The following CSGALNACT1 variants were observed in gnomAD, a reference collection of about 807,000 sequenced individuals.
CSGALNACT1 encodes chondroitin sulfate N-acetylgalactosaminyltransferase 1.
Under a neutral mutation model 51.0 loss-of-function variants are expected in CSGALNACT1, and 52 were observed. The ratio of observed to expected loss-of-function variants is 1.02; its 90% CI spans 0.82 to 1.29. The LOEUF (loss-of-function observed/expected upper bound fraction) is 1.29, where lower values mean the gene tolerates loss of function less well. Among genes scored for constraint, CSGALNACT1 ranks in the 50% most tolerant of loss-of-function variants. CSGALNACT1 has a pLI of 0.00. For missense variants in CSGALNACT1, 935 were observed against 679.2 expected (o/e 1.38, Z -4.19); for synonymous variants, 341 against 254.4 (o/e 1.34, Z -3.24).
chr8:19,444,694 T>G (rs2061842583), intron 5 of CSGALNACT1, among the ~76,000 whole-genome samples: 5 of 152,198 alleles, frequency 3.3e-5, no homozygotes, highest in Admixed American at 3.3e-4. Context: ...ACCGCCTTCC[T>G]GGGGTTGCTG....
intron 3 of CSGALNACT1, among the ~76,000 whole-genome samples, chr8:19,515,154 T>G (rs1266080831): frequency 1.3e-5 from 2 of 151,914 alleles, no homozygotes; most frequent in African/African-American, 2.4e-5. Flanking sequence ...TGTCTCTATC[T>G]CAGGTCCCTA....
chr8:19,445,958 T>G (rs2062042114), intron 5 of CSGALNACT1, among the ~76,000 whole-genome samples: 2 of 152,250 alleles, frequency 1.3e-5, no homozygotes, highest in Admixed American at 1.3e-4. Flanking sequence ...GAGGATCACT[T>G]GAGGTCAGGA....
At chr8:19,470,351 G>C (rs2067837220) in intron 4 of CSGALNACT1, among the ~76,000 whole-genome samples, 1 of 152,160 alleles carries the variant, frequency 6.6e-6, no homozygotes, top group African/African-American at 2.4e-5. Context: ...GGCTGGGATG[G>C]GACAGTGAGC....
At chr8:19,515,194 G>GC (rs1159178660) in intron 3 of CSGALNACT1, among the ~76,000 whole-genome samples, 1 of 149,060 alleles carries the variant, frequency 6.7e-6, no homozygotes. Context: ...GTCCTTTCCT[G>GC]CCTCTGGACC....
chr8:19,465,115 T>C (rs2066376766), intron 4 of CSGALNACT1, among the ~76,000 whole-genome samples: 2 of 152,064 alleles, frequency 1.3e-5, no homozygotes, highest in South Asian at 2.1e-4. Context: ...AACAGATAAA[T>C]GGATAAACAA....
intron 1 of CSGALNACT1, among the ~76,000 whole-genome samples, chr8:19,689,162 C>T (rs959883135): frequency 2.0e-5 from 3 of 152,152 alleles, no homozygotes; most frequent in African/African-American, 7.2e-5. Flanking sequence ...ACAGCAGTAG[C>T]GATGCCATGT....
chr8:19,695,667 T>G (rs146259867), intron 1 of CSGALNACT1, among the ~76,000 whole-genome samples: 1 of 152,226 alleles, frequency 6.6e-6, no homozygotes, highest in Non-Finnish European at 1.5e-5. Flanking sequence ...ATTGTGAATT[T>G]AAGAGAAAAG....
At chr8:19,658,816 C>G (rs1178129528) in intron 1 of CSGALNACT1, among the ~76,000 whole-genome samples, 8 of 152,190 alleles carry the variant, frequency 5.3e-5, no homozygotes. Context: ...CTATGACATT[C>G]AGCAAGCTTC....
intron 1 of CSGALNACT1, among the ~76,000 whole-genome samples, chr8:19,688,140 G>C (rs996826649): frequency 1.3e-5 from 2 of 152,150 alleles, no homozygotes; most frequent in Non-Finnish European, 2.9e-5. Context: ...TCTCTGACTA[G>C]ATCAGTATTT....
At chr8:19,632,393 C>T (rs1290251672) in intron 1 of CSGALNACT1, among the ~76,000 whole-genome samples, 1 of 152,234 alleles carries the variant, frequency 6.6e-6, no homozygotes, top group East Asian at 1.9e-4. Flanking sequence ...TCTTCAAAAG[C>T]TTTGGAAATA....
At chr8:19,412,700 T>G (rs892972832) in intron 8 of CSGALNACT1, among the ~76,000 whole-genome samples, 3 of 152,178 alleles carry the variant, frequency 2.0e-5, no homozygotes, top group Admixed American at 2.0e-4. Context: ...TTGTGAAATT[T>G]GTAATACCTT....
At chr8:19,740,245 G>T (rs1412131524) in intron 1 of CSGALNACT1, among the ~76,000 whole-genome samples, 4 of 152,174 alleles carry the variant, frequency 2.6e-5, no homozygotes, top group African/African-American at 7.2e-5. Context: ...TGGCAGCGGG[G>T]AGGCCCTATC....
At chr8:19,477,527 T>A (rs917248494) in intron 4 of CSGALNACT1, among the ~76,000 whole-genome samples, 1 of 152,202 alleles carries the variant, frequency 6.6e-6, no homozygotes, top group Non-Finnish European at 1.5e-5. Flanking sequence ...CTTGGCATAC[T>A]CTCTAATATA....
chr8:19,691,575 T>C (rs1453316855), intron 1 of CSGALNACT1, among the ~76,000 whole-genome samples: 1 of 152,108 alleles, frequency 6.6e-6, no homozygotes, highest in East Asian at 1.9e-4. Flanking sequence ...GTCCTGCAGC[T>C]CCACAGCCCT....
chr8:19,429,512 A>C (rs377386824), intron 6 of CSGALNACT1, among the ~76,000 whole-genome samples: 2 of 152,162 alleles, frequency 1.3e-5, no homozygotes, highest in South Asian at 4.1e-4. Flanking sequence ...ACTTTCATTT[A>C]TCACAATGTT....
rs1428443209 is a variant in CSGALNACT1, at chr8:19,505,466, G to T, written c.369C>A (p.Phe123Leu). The T allele has an allele frequency of 2.5e-6, 4 of 1,614,082 alleles. No homozygotes were observed. The highest frequency in any genetic ancestry group is 3.4e-6 in the Non-Finnish European group (4 of 1,180,050). ...CTGCCTTGTCCACCTGCGAGTGCAG[G>T]AAGGCCAGGAGGTCGGCCTGGGTTT... The change falls in exon 4 of 10, where the codon TTC becomes TTA. Residue 123 changes from phenylalanine to leucine, a missense_variant. Physicochemically the swap from Phe to Leu is conservative, Grantham distance 22. Transcript: ENST00000454498.
At chr8:19,552,696 A>G (rs1178204138) in intron 3 of CSGALNACT1, among the ~76,000 whole-genome samples, 1 of 152,210 alleles carries the variant, frequency 6.6e-6, no homozygotes, top group Admixed American at 6.5e-5. Flanking sequence ...TGTATTGCTG[A>G]TGTTTTCAAT....
At chr8:19,701,405 T>C (rs182627514) in intron 1 of CSGALNACT1, among the ~76,000 whole-genome samples, 60 of 151,174 alleles carry the variant, frequency 4.0e-4, no homozygotes, top group African/African-American at 1.5e-3. Context: ...CTGCCCACCT[T>C]GGCCTCCCCA....
At chr8:19,465,634 G>A (rs1454350397) in intron 4 of CSGALNACT1, among the ~76,000 whole-genome samples, 1 of 152,180 alleles carries the variant, frequency 6.6e-6, no homozygotes, top group Non-Finnish European at 1.5e-5. Context: ...AAGATTCCCA[G>A]GACATTCTCA....
Sources: allele counts gnomAD v4.1 joint callset (sites outside exome capture counted in the v4.1 genomes callset), GRCh38; gene constraint gnomAD v4.1.1; transcripts MANE v1.5; gene names NCBI Gene and HGNC (gene_info 2026-07-23, HGNC 2026-07-21).